The following DZIP1 variants were observed in gnomAD, a reference collection of about 807,000 sequenced individuals.
The protein encoded by DZIP1 is cilium assembly protein DZIP1.
A neutral mutation model predicts 107.6 loss-of-function variants in DZIP1; 97 were observed. The ratio of observed to expected loss-of-function variants is 0.90; its 90% CI spans 0.77 to 1.07. The LOEUF (loss-of-function observed/expected upper bound fraction) is 1.07, where lower values mean the gene tolerates loss of function less well. Ranked by LOEUF, DZIP1 falls within the 50% of genes least tolerant of loss-of-function variation. The probability of loss-of-function intolerance (pLI) is 0.00; values close to 1 mark genes in which losing one functional copy is unlikely to be tolerated. For missense variants in DZIP1, 1,035 were observed against 1,063.6 expected, an observed-to-expected ratio of 0.97 and a Z score of 0.37; for synonymous variants, 390 against 386.4, an observed-to-expected ratio of 1.01 and a Z score of -0.11.
At chr13:95,630,831 G>A (rs751468149) in intron 6 of DZIP1, 8 of 978,542 alleles carry the variant, frequency 8.2e-6, no homozygotes, top group Middle Eastern at 4.9e-4. Context: ...AATAATACTC[G>A]TTTCAGAGTC....
At chr13:95,610,111 T>TGTGTGTGAGAGA (rs368276400) in intron 12 of DZIP1, among the ~76,000 whole-genome samples, 15 of 126,770 alleles carry the variant, frequency 1.2e-4, no homozygotes, top group East Asian at 4.5e-4. Context: ...TGTGTGTGTG[T>TGTGTGTGAGAGA]GAGAGAGAGA....
rs1335059777 is a variant in DZIP1 at position 95,599,356 on chromosome 13, C to T, written c.1537+9G>A. 2 of 1,612,538 alleles carry T rather than the reference C, an allele frequency of 1.2e-6. No homozygotes were observed. The highest frequency in any genetic ancestry group is 2.7e-5 in the African/African-American group (2 of 74,892). ...CTGTGCAGGTAAACCTGATCAAGCCCTTTGTTACCTTTTTCTTCCTCTGAA... is the reference window on the plus strand; with the variant it reads ...CTGTGCAGGTAAACCTGATCAAGCCTTTTGTTACCTTTTTCTTCCTCTGAA... On this transcript the variant is annotated intron_variant, in intron 15 of 22. Transcript: ENST00000376829.
chr13:95,633,319 G>A lies in DZIP1; in HGVS notation c.600C>T (p.Cys200=). 3 of 1,613,704 alleles carry A rather than the reference G, an allele frequency of 1.9e-6. No individual in the cohort carries two copies. Among genetic ancestry groups the A allele is most frequent in the Non-Finnish European group, 2.5e-6 (3 of 1,179,642 alleles). The change falls in exon 6 of 23, where the codon TGC becomes TGT. Residue 200 remains cysteine, a splice_region_variant and synonymous_variant. Transcript: ENST00000376829. ...MIEAKANYYQ[C]HFCDKAFMNQ... ...TCATAAAGGCCTTGTCACAAAAATGGCACTGAAAAGGAGAGAGCAACAAAT... is the reference window on the plus strand; with the variant it reads ...TCATAAAGGCCTTGTCACAAAAATGACACTGAAAAGGAGAGAGCAACAAAT...
intron 10 of DZIP1, among the ~76,000 whole-genome samples, chr13:95,612,754 T>G (rs2045054293): frequency 6.6e-6 from 1 of 151,848 alleles, no homozygotes. Context: ...CTGGCTAAAT[T>G]TTGTATTTTT....
At chr13:95,623,703 G>A (rs1198629342) in intron 8 of DZIP1, among the ~76,000 whole-genome samples, 1 of 152,178 alleles carries the variant, frequency 6.6e-6, no homozygotes, top group Non-Finnish European at 1.5e-5. Context: ...CACTTTGGGA[G>A]GCCCAAGTGG....
In DZIP1 at chr13:95,594,081, C is replaced by T. The variant is rs749746753; in HGVS notation, c.1543G>A (p.Glu515Lys). The stretch of plus-strand genomic sequence containing the variant: ...TTGTTATTTAATTTCTGTTCATTTT[C>T]CCTTCCTGAAATAAGGTTTTAAAAA... ...EELSEEEKGRENEQKLNNNKM... is the reference protein window; with the variant it reads ...EELSEEEKGRKNEQKLNNNKM... The change falls in exon 16 of 23, where the codon GAA (glutamate) becomes AAA (lysine). Residue 515 changes from glutamate (E) to lysine (K), a missense_variant. Glu to Lys is a moderately conservative substitution (Grantham distance 56). Coordinates refer to ENST00000376829, the MANE Select transcript of DZIP1 (RefSeq NM_198968.4). 1 of 1,593,878 alleles carries T rather than the reference C, an allele frequency of 6.3e-7. No individual in the cohort carries two copies. Among genetic ancestry groups the T allele is most frequent in the Non-Finnish European group, 8.5e-7 (1 of 1,171,746 alleles).
chr13:95,592,425 C>T (rs2044333365), intron 16 of DZIP1, among the ~76,000 whole-genome samples: 1 of 152,210 alleles, frequency 6.6e-6, no homozygotes, highest in Non-Finnish European at 1.5e-5. Flanking sequence ...TTGATTTCCA[C>T]TGCCCAAAGG....
At position 95,589,902 on chromosome 13, in the gene DZIP1, A is replaced by G. The variant is rs770882701; in HGVS notation, c.1874T>C (p.Leu625Pro). ...CATTTTGGGTACTTCTCCAGTTGAA[A>G]GGGTATCCATTTGAGAAACACTGCA... is the stretch of plus-strand genomic sequence containing the variant. ...DQCSVSQMDT[L>P]STGEVPKMIQ... Residue 625 changes from leucine to proline, a missense_variant, in exon 18 of 23, where the codon CTT becomes CCT. Leu to Pro is a moderately conservative substitution (Grantham distance 98, BLOSUM62 -3). Coordinates refer to ENST00000376829, the MANE Select transcript of DZIP1 (RefSeq NM_198968.4). 4 of 1,614,070 alleles carry G rather than the reference A, an allele frequency of 2.5e-6. No individual in the cohort carries two copies. The highest frequency in any genetic ancestry group is 3.4e-6 in the Non-Finnish European group (4 of 1,180,028).
rs115735248 is a variant in DZIP1 at position 95,611,556 on chromosome 13, T to A, written c.1315-63A>T. ...ATTAGATAGGGACACACACATGGGA[T>A]AATGGACAGATAATGTTGTTAGTAA... is the stretch of plus-strand genomic sequence containing the variant. On this transcript the variant is annotated intron_variant, in intron 11 of 22. Transcript: ENST00000376829. 9.1e-4 allele frequency: 1,148 copies of A among 1,255,450 alleles called. 8 individuals carry two copies. In the African/African-American group the frequency reaches 0.015, roughly 16 times the overall value. The allele number at this position is 1,255,450 out of a possible 1,614,324, so 77.8% of individuals were successfully genotyped here. A position where few individuals can be genotyped will look rare whatever the true frequency, so the allele number is the denominator to read the frequency against.
rs1188126577 is a variant in DZIP1 at position 95,605,987 on chromosome 13, T to C, written c.1477+16A>G. The C allele has an allele frequency of 1.9e-6, 3 of 1,613,272 alleles. No individual in the cohort carries two copies. The highest frequency in any genetic ancestry group is 8.5e-7 in the Non-Finnish European group (1 of 1,179,436). On this transcript the variant is annotated intron_variant, in intron 14 of 22. Coordinates refer to ENST00000376829, the MANE Select transcript of DZIP1 (RefSeq NM_198968.4). ...GCAACTGCACATAAAACGCTGAGAC[T>C]ATTACTGAAACTTACCATGCACCAT...
chr13:95,614,537 G>C (rs527316205), intron 10 of DZIP1, among the ~76,000 whole-genome samples: 1 of 152,288 alleles, frequency 6.6e-6, no homozygotes, highest in South Asian at 2.1e-4. Context: ...ATTCTTAATA[G>C]AAGAGTTAAG....
chr13:95,585,555 C>A (rs1402675111), intron 21 of DZIP1, among the ~76,000 whole-genome samples: 1 of 152,194 alleles, frequency 6.6e-6, no homozygotes. Flanking sequence ...GCTGTTAGAA[C>A]CACTGGGAAA....
At chr13:95,596,654 C>G (rs1210293274) in intron 15 of DZIP1, among the ~76,000 whole-genome samples, 1 of 152,176 alleles carries the variant, frequency 6.6e-6, no homozygotes, top group Non-Finnish European at 1.5e-5. Context: ...CTTAATCCCC[C>G]TATGTTTTCT....
intron 19 of DZIP1, among the ~76,000 whole-genome samples, chr13:95,588,853 C>T (rs1349678828): frequency 6.6e-6 from 1 of 152,148 alleles, no homozygotes; most frequent in Non-Finnish European, 1.5e-5. Context: ...CAACATCAGC[C>T]ATTTAAGTTA....
chr13:95,632,181 T>C (rs1348126306), intron 6 of DZIP1, among the ~76,000 whole-genome samples: 2 of 152,066 alleles, frequency 1.3e-5, no homozygotes, highest in Admixed American at 1.3e-4. Flanking sequence ...CCAGACCAGC[T>C]CTACTCCAGT....
At chr13:95,610,111 T>A (rs9516607) in intron 12 of DZIP1, among the ~76,000 whole-genome samples, 77,758 of 126,612 alleles carry the variant, frequency 0.61, 24,302 homozygotes, top group African/African-American at 0.72. Flanking sequence ...TGTGTGTGTG[T>A]GAGAGAGAGA....
At position 95,590,017 on chromosome 13, in the gene DZIP1, T is replaced by C; in HGVS notation, c.1844-85A>G. The C allele has an allele frequency of 5.4e-6, 8 of 1,487,946 alleles. No individual in the cohort carries two copies. In the South Asian group the frequency reaches 9.3e-5, roughly 17 times the overall value. The allele number at this position is 1,487,946 out of a possible 1,614,324, so 92.2% of individuals were successfully genotyped here. A position where few individuals can be genotyped will look rare whatever the true frequency, so the allele number is the denominator to read the frequency against. ...AAGGTAAACGGTATAATACCCCCTA[T>C]GCTGCTGTGGCAATGAACAATCCCA... On this transcript the variant is annotated intron_variant, in intron 17 of 22. Coordinates refer to ENST00000376829, the MANE Select transcript of DZIP1 (RefSeq NM_198968.4).
intron 14 of DZIP1, among the ~76,000 whole-genome samples, chr13:95,603,786 A>G (rs936787489): frequency 4.6e-5 from 7 of 152,202 alleles, no homozygotes; most frequent in African/African-American, 1.7e-4. Flanking sequence ...CAACTGCCTT[A>G]GGATCAGAAC....
intron 5 of DZIP1, among the ~76,000 whole-genome samples, chr13:95,638,068 G>A (rs1280740151): frequency 6.8e-6 from 1 of 148,106 alleles, no homozygotes; most frequent in Non-Finnish European, 1.5e-5. Context: ...ATAGCAAAAT[G>A]CTAACCTGAG....
Sources: gnomAD v4.1 joint callset for allele counts (sites outside exome capture counted in the v4.1 genomes callset) on GRCh38, gnomAD v4.1.1 for gene constraint, MANE v1.5 for transcripts, NCBI Gene and HGNC (gene_info 2026-07-23, HGNC 2026-07-21) for gene names.